SLIT3: variants seen among roughly 807,000 people sequenced by gnomAD.
SLIT3 encodes the protein slit guidance ligand 3.
In SLIT3, 68 loss-of-function variants were observed where a neutral mutation model predicts 184.0. That is an observed-to-expected ratio of 0.37 (90% CI 0.30 to 0.45). SLIT3 has a LOEUF of 0.45. Ranked by LOEUF, SLIT3 falls within the 20% of genes least tolerant of loss-of-function variation. SLIT3 has a pLI of 1.00. For synonymous variants in SLIT3, 831 were observed against 828.6 expected (o/e 1.00, Z -0.05); for missense variants, 1,707 against 2,026.0 (o/e 0.84, Z 3.02).
chr5:169,169,196 G>A (rs984995762), intron 4 of SLIT3, among the ~76,000 whole-genome samples: 1 of 152,184 alleles, frequency 6.6e-6, no homozygotes, highest in African/African-American at 2.4e-5. Flanking sequence ...TCCGTTCCCT[G>A]TCCTGGGTCC....
chr5:168,898,292 C>T (rs1287266135), intron 4 of SLIT3, among the ~76,000 whole-genome samples: 2 of 152,046 alleles, frequency 1.3e-5, no homozygotes, highest in Non-Finnish European at 2.9e-5. Context: ...CTCTGAGCAG[C>T]GCCACTTAGA....
At chr5:168,995,872 A>C (rs757184589) in intron 4 of SLIT3, among the ~76,000 whole-genome samples, 5 of 152,204 alleles carry the variant, frequency 3.3e-5, no homozygotes. Context: ...TCTCATACAA[A>C]GCTTCAGCAC....
chr5:169,169,149 T>C (rs1762739558), intron 4 of SLIT3, among the ~76,000 whole-genome samples: 1 of 152,170 alleles, frequency 6.6e-6, no homozygotes, highest in African/African-American at 2.4e-5. Flanking sequence ...ATGAAGAGCA[T>C]GAGTTCCATG....
In SLIT3 at chr5:168,989,891, G is replaced by A. The variant is rs1755261458; in HGVS notation, c.414-106555C>T. Reference sequence around the variant, plus strand: ...GGGGCCAGGTTGAATGTCCCCTGAGGTCCCTTTTATCTCTAACAGTTCTGT... The same window carrying A: ...GGGGCCAGGTTGAATGTCCCCTGAGATCCCTTTTATCTCTAACAGTTCTGT... On this transcript the variant is annotated intron_variant, in intron 4 of 35. Coordinates refer to ENST00000519560, the MANE Select transcript of SLIT3 (RefSeq NM_003062.4). Among the ~76,000 whole-genome samples the A allele has an allele frequency of 2.0e-5, 3 of 152,178 alleles. No individual in the cohort carries two copies. In the South Asian group the frequency reaches 6.2e-4, roughly 32 times the overall value.
Position 168,673,329 on chromosome 5 carries a change from A to G in SLIT3, c.3689T>C (p.Val1230Ala). ...LSSPPTTVYS[V>A]ETVNDGQFHS... ...AAACTGCCCATCATTCACTGTCTCCACACTGGCCAGTAGAGAAGGGGAGAA... is the reference window on the plus strand; with the variant it reads ...AAACTGCCCATCATTCACTGTCTCCGCACTGGCCAGTAGAGAAGGGGAGAA... Residue 1230 changes from valine to alanine, a missense_variant and splice_region_variant, in exon 33 of 36, where the codon GTG becomes GCG. Around this residue, in one of 3 missense-constraint regions of SLIT3, gnomAD observed 387 missense variants for 477.9 expected, o/e 0.81. Coordinates refer to ENST00000519560, the MANE Select transcript of SLIT3 (RefSeq NM_003062.4). 1 of 1,614,084 alleles carries G rather than the reference A, an allele frequency of 6.2e-7. No homozygotes were observed. The highest frequency in any genetic ancestry group is 8.5e-7 in the Non-Finnish European group (1 of 1,179,980).
At chr5:169,206,124 A>G (rs541461578) in intron 3 of SLIT3, among the ~76,000 whole-genome samples, 2 of 152,354 alleles carry the variant, frequency 1.3e-5, no homozygotes, top group South Asian at 4.1e-4. Flanking sequence ...TAAATATGGC[A>G]GGGCTATGTT....
chr5:169,221,488 G>C (rs906789691), intron 3 of SLIT3, among the ~76,000 whole-genome samples: 2 of 152,178 alleles, frequency 1.3e-5, no homozygotes, highest in African/African-American at 4.8e-5. Context: ...CCACAGATTA[G>C]TCACCAGAGA....
At position 168,785,923 on chromosome 5, in the gene SLIT3, C is replaced by T. The variant is rs1245683849; in HGVS notation, c.1135G>A (p.Val379Met). 2 of 1,612,810 alleles carry T rather than the reference C, an allele frequency of 1.2e-6. No individual in the cohort carries two copies. The highest frequency in any genetic ancestry group is 1.7e-6 in the Non-Finnish European group (2 of 1,178,950). The change falls in exon 12 of 36, where the codon GTG becomes ATG. Residue 379 changes from valine (V) to methionine (M), a missense_variant. This residue lies in a region of SLIT3 where 1,307 missense variants were observed against 1,511.6 expected (regional missense o/e 0.86). Coordinates refer to ENST00000519560, the MANE Select transcript of SLIT3 (RefSeq NM_003062.4). ...EIVKGLFDGL[V>M]SLQLLLLNAN... ...CCTACTCACAGCAGCTGTAGGGACACCAGCCCATCAAACAGTCCCTTGACA... is the reference window on the plus strand; with the variant it reads ...CCTACTCACAGCAGCTGTAGGGACATCAGCCCATCAAACAGTCCCTTGACA...
chr5:168,880,655 T>A (rs2113784258), intron 5 of SLIT3, among the ~76,000 whole-genome samples: 1 of 152,318 alleles, frequency 6.6e-6, no homozygotes, highest in Non-Finnish European at 1.5e-5. Flanking sequence ...AGGAGGTAAG[T>A]CCAACTATTA....
intron 4 of SLIT3, among the ~76,000 whole-genome samples, chr5:169,158,308 G>A (rs1762373766): frequency 1.3e-5 from 2 of 152,220 alleles, no homozygotes; most frequent in African/African-American, 2.4e-5. Flanking sequence ...AAGTCCAGAA[G>A]GAAGTGACAC....
intron 25 of SLIT3, among the ~76,000 whole-genome samples, chr5:168,709,639 T>C (rs907717688): frequency 2.6e-5 from 4 of 152,080 alleles, no homozygotes; most frequent in Non-Finnish European, 5.9e-5. Context: ...GGAATGTTTT[T>C]CTGCTTGCAG....
In SLIT3 at chr5:168,979,819, G is replaced by T. The variant is rs1242646197; in HGVS notation, c.414-96483C>A. The stretch of plus-strand genomic sequence containing the variant: ...ACACAAAGCTAACCACATATAGCTT[G>T]CCTGCCCTGAAGGTTTTCTCTATTT... On this transcript the variant is annotated intron_variant, in intron 4 of 35. Coordinates refer to ENST00000519560, the MANE Select transcript of SLIT3 (RefSeq NM_003062.4). Among the ~76,000 whole-genome samples, 7 of 152,192 alleles carry T rather than the reference G, an allele frequency of 4.6e-5. No homozygotes were observed. The South Asian group carries it at 6.2e-4, about 14-fold the overall frequency.
chr5:169,023,174 A>C (rs1756667484), intron 4 of SLIT3, among the ~76,000 whole-genome samples: 1 of 152,148 alleles, frequency 6.6e-6, no homozygotes, highest in Non-Finnish European at 1.5e-5. Context: ...GAGTGTGTAC[A>C]TGCATATAAC....
chr5:168,710,368 TATA>T (rs1199713415), intron 25 of SLIT3, among the ~76,000 whole-genome samples: 1 of 152,222 alleles, frequency 6.6e-6, no homozygotes, highest in Admixed American at 6.5e-5. Flanking sequence ...AGTTTGTTGT[TATA>T]ATATGATCAA....
intron 10 of SLIT3, among the ~76,000 whole-genome samples, chr5:168,793,799 TTG>T (rs1491255356): frequency 4.7e-5 from 2 of 42,642 alleles, no homozygotes; most frequent in Non-Finnish European, 1.1e-4. Flanking sequence ...TAAAAATGAA[TTG>T]GGGGGGGGGA....
At chr5:168,757,510 T>C (rs1405070411) in intron 16 of SLIT3, among the ~76,000 whole-genome samples, 2 of 151,874 alleles carry the variant, frequency 1.3e-5, no homozygotes, top group Non-Finnish European at 2.9e-5. Flanking sequence ...CTCGGCTCAC[T>C]GGAAGCTCCG....
At chr5:168,840,318 TGTCCAAAA>T (rs1758198354) in intron 6 of SLIT3, among the ~76,000 whole-genome samples, 1 of 152,222 alleles carries the variant, frequency 6.6e-6, no homozygotes, top group African/African-American at 2.4e-5. Flanking sequence ...CAAGGGACAA[TGTCCAAAA>T]GTATTTTTTA....
In SLIT3 at chr5:168,806,578, G is replaced by C. The variant is rs180710918; in HGVS notation, c.803C>G (p.Ser268Trp). Reference sequence around the variant, plus strand: ...GTTGGCATTGCAGGATGGGGGCTCCGAGTGGGGGGCTGTGGAGCCAAGACA... The same window carrying C: ...GTTGGCATTGCAGGATGGGGGCTCCCAGTGGGGGGCTGTGGAGCCAAGACA... The part of the protein sequence containing the change: ...KKEYVCPAPH[S>W]EPPSCNANSI... The change falls in exon 9 of 36, where the codon TCG becomes TGG. Residue 268 changes from serine (S) to tryptophan (W), a missense_variant. Physicochemically the swap from Ser to Trp is radical, Grantham distance 177. This residue lies in a region of SLIT3 where 1,307 missense variants were observed against 1,511.6 expected (regional missense o/e 0.86). Coordinates refer to ENST00000519560, the MANE Select transcript of SLIT3 (RefSeq NM_003062.4). 17 of 1,614,060 alleles carry C rather than the reference G, an allele frequency of 1.1e-5. No homozygotes were observed. The African/African-American group carries it at 1.5e-4, about 14-fold the overall frequency.
intron 23 of SLIT3, among the ~76,000 whole-genome samples, chr5:168,719,480 T>C (rs1460247133): frequency 1.3e-5 from 2 of 152,258 alleles, no homozygotes; most frequent in African/African-American, 2.4e-5. Flanking sequence ...CAAGTTATAA[T>C]TGTAACATAT....
Sources: gnomAD v4.1 joint callset for allele counts (sites outside exome capture counted in the v4.1 genomes callset) on GRCh38, gnomAD v4.1.1 for gene constraint, gnomAD v4.1.1 regional missense constraint, MANE v1.5 for transcripts, NCBI Gene and HGNC (gene_info 2026-07-23, HGNC 2026-07-21) for gene names.